Variants in KIAA1958 observed in about 807,000 individuals in gnomAD.
The protein encoded by KIAA1958 is KIAA1958, also known as uncharacterized protein KIAA1958.
A neutral mutation model predicts 47.2 loss-of-function variants in KIAA1958; 14 were observed. The ratio of observed to expected loss-of-function variants is 0.30; its 90% CI spans 0.20 to 0.46. The LOEUF (loss-of-function observed/expected upper bound fraction) is 0.46, where lower values mean the gene tolerates loss of function less well. KIAA1958 is among the 20% of genes least tolerant of loss of function. The probability of loss-of-function intolerance (pLI) is 1.00; values close to 1 mark genes in which losing one functional copy is unlikely to be tolerated. For missense variants in KIAA1958, 803 were observed against 909.2 expected (o/e 0.88, Z 1.50); for synonymous variants, 354 against 353.3 (o/e 1.00, Z -0.02).
chr9:112,566,327 G>C (rs1306313125), intron 1 of KIAA1958, among the ~76,000 whole-genome samples: 1 of 151,988 alleles, frequency 6.6e-6, no homozygotes, highest in Non-Finnish European at 1.5e-5. Flanking sequence ...ATAGCTATGA[G>C]GGCCTTCAGC....
intron 2 of KIAA1958, among the ~76,000 whole-genome samples, chr9:112,592,913 A>G (rs1335081659): frequency 6.6e-6 from 1 of 152,180 alleles, no homozygotes; most frequent in African/African-American, 2.4e-5. Flanking sequence ...CAATTTTGCT[A>G]CTGTTGTGCT....
At chr9:112,605,295 A>G (rs189964152) in intron 2 of KIAA1958, among the ~76,000 whole-genome samples, 6 of 152,228 alleles carry the variant, frequency 3.9e-5, no homozygotes, top group African/African-American at 1.4e-4. Flanking sequence ...AGTTTTTACA[A>G]ACTATGATTT....
intron 1 of KIAA1958, among the ~76,000 whole-genome samples, chr9:112,573,709 C>G (rs755442792): frequency 2.0e-5 from 3 of 152,212 alleles, no homozygotes; most frequent in Non-Finnish European, 4.4e-5. Flanking sequence ...ACCTCTCTGT[C>G]AGTGACTTTG....
rs35967386 is a variant in KIAA1958, at chr9:112,656,372, CAAAAAAAA to C, written c.1345-2874_1345-2867del. On this transcript the variant is annotated intron_variant, in intron 3 of 3. Coordinates refer to ENST00000337530, the MANE Select transcript of KIAA1958 (RefSeq NM_133465.4). ...TGAGCAACAGAGTGAGACTCTGTCT[CAAAAAAAA>C]AAAAAAAAAAAAAAAAGCATTTCGA... Among the ~76,000 whole-genome samples, 426 of 57,896 alleles carry C rather than the reference CAAAAAAAA, an allele frequency of 7.4e-3. 3 individuals are homozygous for C. The highest frequency in any genetic ancestry group is 9.7e-3 in the Non-Finnish European group (324 of 33,444). The allele number at this position is 57,896 out of a possible 152,430, so 38.0% of individuals were successfully genotyped here. A position where few individuals can be genotyped will look rare whatever the true frequency, so the allele number is the denominator to read the frequency against.
intron 1 of KIAA1958, among the ~76,000 whole-genome samples, chr9:112,560,289 C>T (rs986528207): frequency 1.4e-5 from 2 of 146,072 alleles, no homozygotes; most frequent in Admixed American, 7.1e-5. Context: ...TAACCTCAAA[C>T]TCCTAGGCAT....
chr9:112,648,306 A>G (rs1488013151), intron 3 of KIAA1958, among the ~76,000 whole-genome samples: 1 of 152,178 alleles, frequency 6.6e-6, no homozygotes, highest in East Asian at 1.9e-4. Context: ...GACTTGCTGA[A>G]TTAAGGAAAT....
chr9:112,533,034 G>A (rs1347729021), intron 1 of KIAA1958, among the ~76,000 whole-genome samples: 1 of 151,760 alleles, frequency 6.6e-6, no homozygotes, highest in Non-Finnish European at 1.5e-5. Context: ...AAAAATGAAA[G>A]CTCTTCAATA....
At position 112,666,376 on chromosome 9, in the gene KIAA1958, G is replaced by A. The variant is rs1837351124; in HGVS notation, c.*6307G>A. The A allele has an allele frequency of 6.6e-6, 1 of 151,968 alleles. No individual in the cohort carries two copies. Among genetic ancestry groups the A allele is most frequent in the Non-Finnish European group, 1.5e-5 (1 of 68,012 alleles). 9.4% of individuals were successfully genotyped at this position (151,968 alleles called of 1,614,324 possible). ...TCAAATTCCCCCATTTTATCAATAA[G>A]GAAATTTAAGGCCAGAGATATTAAA... On this transcript the variant is annotated 3_prime_UTR_variant, in exon 4 of 4. Transcript: ENST00000337530.
intron 1 of KIAA1958, among the ~76,000 whole-genome samples, chr9:112,568,879 C>T (rs530653250): frequency 1.8e-5 from 1 of 55,348 alleles, no homozygotes; most frequent in East Asian, 5.0e-4. Flanking sequence ...CACAGCAAGA[C>T]CTTGTCTCAA....
chr9:112,515,278 G>A (rs1322454641), intron 1 of KIAA1958, among the ~76,000 whole-genome samples: 6 of 111,884 alleles, frequency 5.4e-5, no homozygotes, highest in Admixed American at 2.4e-4. Context: ...CAGCCCCCCT[G>A]CCCGGCCAGC....
At chr9:112,658,545 A>G (rs1039211792) in intron 3 of KIAA1958, among the ~76,000 whole-genome samples, 6 of 152,238 alleles carry the variant, frequency 3.9e-5, no homozygotes, top group African/African-American at 1.2e-4. Context: ...GCAGACACAC[A>G]TGTATATATG....
chr9:112,537,879 A>G (rs1185823760), intron 1 of KIAA1958, among the ~76,000 whole-genome samples: 1 of 152,370 alleles, frequency 6.6e-6, no homozygotes, highest in East Asian at 1.9e-4. Flanking sequence ...TTTCACATTA[A>G]CAAAAGAAAA....
chr9:112,553,600 T>G (rs761712584), intron 1 of KIAA1958, among the ~76,000 whole-genome samples: 10 of 152,258 alleles, frequency 6.6e-5, no homozygotes, highest in Non-Finnish European at 1.0e-4. Context: ...ATTTCTGATG[T>G]GCTTAGAATA....
chr9:112,549,862 C>T (rs1188195932), intron 1 of KIAA1958, among the ~76,000 whole-genome samples: 2 of 152,164 alleles, frequency 1.3e-5, no homozygotes, highest in African/African-American at 4.8e-5. Context: ...TTACAGTGCA[C>T]AAGATGGTCT....
chr9:112,522,181 G>A (rs1208515917), intron 1 of KIAA1958, among the ~76,000 whole-genome samples: 3 of 152,104 alleles, frequency 2.0e-5, no homozygotes, highest in African/African-American at 2.4e-5. Flanking sequence ...TTGTTGGTCA[G>A]GCTGGTCTCG....
rs554935312 is a variant in KIAA1958, at chr9:112,539,187, C to T, written c.-24-34870C>T. On this transcript the variant is annotated intron_variant, in intron 1 of 3. Coordinates refer to ENST00000337530, the MANE Select transcript of KIAA1958 (RefSeq NM_133465.4). Reference sequence around the variant, plus strand: ...GTTACCATATGACACAGCAGTTCAGCTCCTAGGTTTATACCTGAGACTATT... The same window carrying T: ...GTTACCATATGACACAGCAGTTCAGTTCCTAGGTTTATACCTGAGACTATT... Among the ~76,000 whole-genome samples the T allele has an allele frequency of 3.9e-5, 6 of 152,314 alleles. No individual in the cohort carries two copies. The South Asian group carries it at 1.2e-3, about 32-fold the overall frequency.
intron 2 of KIAA1958, among the ~76,000 whole-genome samples, chr9:112,638,193 T>A (rs1361338322): frequency 6.6e-6 from 1 of 151,982 alleles, no homozygotes; most frequent in East Asian, 1.9e-4. Flanking sequence ...TGTGGTGTTA[T>A]GTGGGAAGTT....
At chr9:112,559,973 C>T (rs894525231) in intron 1 of KIAA1958, among the ~76,000 whole-genome samples, 8 of 151,968 alleles carry the variant, frequency 5.3e-5, no homozygotes, top group Non-Finnish European at 4.4e-5. Flanking sequence ...TACTAAAAAC[C>T]TACTTAGTAT....
intron 1 of KIAA1958, among the ~76,000 whole-genome samples, chr9:112,500,928 A>G (rs1834124945): frequency 6.6e-6 from 1 of 150,942 alleles, no homozygotes; most frequent in African/African-American, 2.4e-5. Flanking sequence ...TGGGCCACAT[A>G]GGGAGACCCC....
Sources: gnomAD v4.1 joint callset for allele counts (sites outside exome capture counted in the v4.1 genomes callset) on GRCh38, gnomAD v4.1.1 for gene constraint, MANE v1.5 for transcripts, NCBI Gene and HGNC (gene_info 2026-07-23, HGNC 2026-07-21) for gene names.